The following CD44 variants were observed in gnomAD, a reference collection of about 807,000 sequenced individuals.
CD44 encodes CD44 molecule (IN blood group).
CD44 carries 49 observed loss-of-function variants against 88.8 expected under a neutral mutation model. That is an observed-to-expected ratio of 0.55 (90% CI 0.44 to 0.70). The LOEUF (loss-of-function observed/expected upper bound fraction) is 0.70. Among genes scored for constraint, CD44 ranks in the 30% least tolerant of loss-of-function variants. CD44 has a pLI of 0.00. For missense variants in CD44, 883 were observed against 913.8 expected (o/e 0.97, Z 0.43); for synonymous variants, 325 against 312.3 (o/e 1.04, Z -0.43).
At chr11:35,158,219 C>T (rs1159644307) in intron 1 of CD44, among the ~76,000 whole-genome samples, 2 of 152,336 alleles carry the variant, frequency 1.3e-5, no homozygotes, top group East Asian at 3.9e-4. Flanking sequence ...GGACCAGGGT[C>T]TCTCAGAACC....
intron 5 of CD44, among the ~76,000 whole-genome samples, chr11:35,193,362 G>A (rs1946454858): frequency 6.6e-6 from 1 of 152,232 alleles, no homozygotes; most frequent in South Asian, 2.1e-4. Flanking sequence ...GGTTGGACAA[G>A]CTTGATTTAG....
At chr11:35,200,027 A>G (rs930974888) in intron 7 of CD44, among the ~76,000 whole-genome samples, 2 of 129,544 alleles carry the variant, frequency 1.5e-5, no homozygotes, top group African/African-American at 3.0e-5. Context: ...TTTTCTGCTT[A>G]GCACCTATGG....
intron 3 of CD44, 60 bp from the exon 4 acceptor site, chr11:35,186,772 T>C (rs1326686476): frequency 2.2e-6 from 2 of 929,666 alleles, no homozygotes; most frequent in Non-Finnish European, 3.6e-6. Flanking sequence ...CTAATAAAAA[T>C]GAGGGTAGAT....
intron 1 of CD44, among the ~76,000 whole-genome samples, chr11:35,157,434 T>C (rs895691908): frequency 6.6e-5 from 10 of 152,198 alleles, no homozygotes; most frequent in Admixed American, 5.2e-4. Flanking sequence ...CTATTAATTA[T>C]CTCTATCTTT....
intron 1 of CD44, among the ~76,000 whole-genome samples, chr11:35,156,642 G>C (rs973850390): frequency 6.6e-6 from 1 of 152,114 alleles, no homozygotes; most frequent in Non-Finnish European, 1.5e-5. Context: ...ATCTCCTTTG[G>C]GGACAGCACA....
chr11:35,167,586 T>C (rs947478420), intron 1 of CD44, among the ~76,000 whole-genome samples: 4 of 152,196 alleles, frequency 2.6e-5, no homozygotes, highest in African/African-American at 9.7e-5. Context: ...TGATAAACAC[T>C]GTAAAAATAA....
chr11:35,185,071 G>A (rs1294894298), intron 3 of CD44, among the ~76,000 whole-genome samples: 1 of 152,196 alleles, frequency 6.6e-6, no homozygotes. Context: ...GCAGAAGGCA[G>A]AGATTGAGAG....
Position 35,139,324 on chromosome 11 carries a change from C to T in CD44, c.21C>T (p.His7=). 11 of 1,562,162 alleles carry T rather than the reference C, an allele frequency of 7.0e-6. No individual in the cohort carries two copies. The highest frequency in any genetic ancestry group is 9.5e-6 in the Non-Finnish European group (11 of 1,152,768). ...ACACCATGGACAAGTTTTGGTGGCA[C>T]GCAGCCTGGGGACTCTGCCTCGTGC... The part of the protein sequence containing the change: MDKFWW[H]AAWGLCLVPL... The change falls in exon 1 of 18, where the codon CAC becomes CAT. Residue 7 remains histidine, a synonymous_variant. Transcript: ENST00000428726.
chr11:35,225,229 CA>C (rs1949616691), intron 17 of CD44, among the ~76,000 whole-genome samples: 1 of 145,332 alleles, frequency 6.9e-6, no homozygotes, highest in Non-Finnish European at 1.5e-5. Flanking sequence ...AGCTCTAAAA[CA>C]GTGCAAAATA....
rs772609000 is a variant in CD44, at chr11:35,180,356, A to C, written c.316A>C (p.Ile106Leu). 2.1e-5 allele frequency: 34 copies of C among 1,614,018 alleles called. No homozygotes were observed. The highest frequency in any genetic ancestry group is 2.8e-5 in the Non-Finnish European group (33 of 1,179,984). ...ICAANNTGVY[I>L]LTSNTSQYDT... Reference sequence around the variant, plus strand: ...TGCAGCAAACAACACAGGGGTGTACATCCTCACATCCAACACCTCCCAGTA... The same window carrying C: ...TGCAGCAAACAACACAGGGGTGTACCTCCTCACATCCAACACCTCCCAGTA... Residue 106 changes from isoleucine (I) to leucine (L), a missense_variant, in exon 3 of 18, where the codon ATC becomes CTC. By Grantham distance (5) the Ile-to-Leu change is conservative. Transcript: ENST00000428726.
At chr11:35,140,487 A>G in intron 1 of CD44, among the ~76,000 whole-genome samples, 1 of 152,214 alleles carries the variant, frequency 6.6e-6, no homozygotes, top group East Asian at 1.9e-4. Context: ...ATTGAAACAC[A>G]CAGTCTCACC....
At chr11:35,226,880 C>CTTTTTTTTTTTTTTTTTTTTTTT (rs367551052) in intron 17 of CD44, among the ~76,000 whole-genome samples, 1 of 106,212 alleles carries the variant, frequency 9.4e-6, no homozygotes. Flanking sequence ...TTCTTTTTTC[C>CTTTTTTTTTTTTTTTTTTTTTTT]TTTTTTTTTT....
At position 35,176,648 on chromosome 11, in the gene CD44, G is replaced by T. The variant is rs763103888; in HGVS notation, c.141G>T (p.Thr47=). The T allele has an allele frequency of 6.2e-7, 1 of 1,614,162 alleles. No individual in the cohort carries two copies. Among genetic ancestry groups the T allele is most frequent in the Admixed American group, 1.7e-5 (1 of 60,020 alleles). The change falls in exon 2 of 18, where the codon ACG becomes ACT. Residue 47 remains threonine, a synonymous_variant. Transcript: ENST00000428726. ...ATGGTCGCTACAGCATCTCTCGGAC[G>T]GAGGCCGCTGACCTCTGCAAGGCTT... The part of the protein sequence containing the change: ...EKNGRYSISR[T]EAADLCKAFN...
Position 35,189,915 on chromosome 11 carries a change from C to A in CD44, c.517C>A (p.Pro173Thr). The change falls in exon 5 of 18, where the codon CCT (proline) becomes ACT (threonine). Residue 173 changes from proline (P) to threonine (T), a missense_variant. Pro to Thr is a conservative substitution (Grantham distance 38, BLOSUM62 -1). Transcript: ENST00000428726. ...TNPEDIYPSN[P>T]TDDDVSSGSS... The stretch of plus-strand genomic sequence containing the variant: ...TCCTGAAGACATCTACCCCAGCAAC[C>A]CTACTGATGATGACGTGAGCAGCGG... The A allele has an allele frequency of 6.2e-7, 1 of 1,614,138 alleles. No individual in the cohort carries two copies. The highest frequency in any genetic ancestry group is 2.2e-5 in the East Asian group (1 of 44,880).
At chr11:35,193,698 C>T (rs146720107) in intron 5 of CD44, among the ~76,000 whole-genome samples, 4 of 152,126 alleles carry the variant, frequency 2.6e-5, no homozygotes, top group South Asian at 2.1e-4. Flanking sequence ...ACTTGAGAGT[C>T]GAATGAGAGA....
chr11:35,185,750 T>C (rs1398743025), intron 3 of CD44, among the ~76,000 whole-genome samples: 1 of 152,220 alleles, frequency 6.6e-6, no homozygotes, highest in Non-Finnish European at 1.5e-5. Context: ...TTAACCTTTC[T>C]ATAAAGGCAA....
At chr11:35,196,643 G>A in intron 5 of CD44, 103 bp from the exon 6 acceptor site, 2 of 1,237,728 alleles carry the variant, frequency 1.6e-6, no homozygotes, top group East Asian at 4.9e-5. Flanking sequence ...ATCAAATATA[G>A]ATGATTCTCT....
chr11:35,186,976 T>C (rs980201348), intron 4 of CD44, 76 bp downstream of exon 4: 3 of 890,384 alleles, frequency 3.4e-6, no homozygotes, highest in African/African-American at 1.7e-5. Context: ...TGTGGTATAT[T>C]TGAATAGAAT....
At chr11:35,176,933 T>A (rs1164282359) in intron 2 of CD44, 193 bp downstream of exon 2, 1 of 561,648 alleles carries the variant, frequency 1.8e-6, no homozygotes, top group Non-Finnish European at 3.1e-6. Flanking sequence ...AAGACACCTT[T>A]GTGAATCATA....
Sources: gnomAD v4.1 joint callset for allele counts (sites outside exome capture counted in the v4.1 genomes callset) on GRCh38, gnomAD v4.1.1 for gene constraint, MANE v1.5 for transcripts, NCBI Gene and HGNC (gene_info 2026-07-23, HGNC 2026-07-21) for gene names.